Variants in XNDC1N observed in about 807,000 individuals in gnomAD.
The protein encoded by XNDC1N is protein XNDC1N.
At chr11:71,888,435 G>A in the XNDC1N span, among the ~76,000 whole-genome samples, 40 of 152,274 alleles carry the variant, frequency 2.6e-4, no homozygotes, top group African/African-American at 8.9e-4. Flanking sequence ...TTTGGAATGC[G>A]GATGCCAACA....
the XNDC1N span, among the ~76,000 whole-genome samples, chr11:71,899,149 AG>A: frequency 1.4e-4 from 22 of 152,184 alleles, no homozygotes; most frequent in African/African-American, 4.8e-4. Flanking sequence ...CTGTGCCTTG[AG>A]CCCCCCAGGC....
chr11:71,894,896 C>T, the XNDC1N span, among the ~76,000 whole-genome samples: 1 of 152,206 alleles, frequency 6.6e-6, no homozygotes, highest in African/African-American at 2.4e-5. Flanking sequence ...TAAGTGAGGA[C>T]ATACTGTACA....
the XNDC1N span, among the ~76,000 whole-genome samples, chr11:71,910,030 G>A: frequency 6.6e-6 from 1 of 152,178 alleles, no homozygotes; most frequent in Admixed American, 6.5e-5. Context: ...ATTGGCCAGT[G>A]AAGACGGGCC....
the XNDC1N span, among the ~76,000 whole-genome samples, chr11:71,922,147 G>A: frequency 3.3e-5 from 5 of 152,168 alleles, no homozygotes; most frequent in Non-Finnish European, 7.4e-5. Flanking sequence ...GCAACAAAGC[G>A]AGACTCCGTC....
At chr11:71,913,535 T>C in the XNDC1N span, among the ~76,000 whole-genome samples, 1 of 152,028 alleles carries the variant, frequency 6.6e-6, no homozygotes, top group East Asian at 1.9e-4. Flanking sequence ...GGTGTGCGCC[T>C]ATAGTTCCAG....
the XNDC1N span, among the ~76,000 whole-genome samples, chr11:71,892,783 A>G: frequency 3.9e-5 from 6 of 152,232 alleles, no homozygotes; most frequent in South Asian, 1.2e-3. Flanking sequence ...GGCCGCCCAA[A>G]GTGCTGGGAT....
chr11:71,882,115 A>T, the XNDC1N span, among the ~76,000 whole-genome samples: 1 of 152,144 alleles, frequency 6.6e-6, no homozygotes, highest in African/African-American at 2.4e-5. Context: ...CAGGAGGGGA[A>T]AAAATCTTTA....
chr11:71,874,010 G>C, the XNDC1N span, among the ~76,000 whole-genome samples: 3 of 152,126 alleles, frequency 2.0e-5, no homozygotes, highest in African/African-American at 7.2e-5. Context: ...AGTGAACAAA[G>C]GTTGGATTTA....
chr11:71,890,601 G>A, the XNDC1N span, among the ~76,000 whole-genome samples: 1 of 151,990 alleles, frequency 6.6e-6, no homozygotes, highest in Non-Finnish European at 1.5e-5. Flanking sequence ...ATTTCAGGTG[G>A]GGTATACACC....
the XNDC1N span, among the ~76,000 whole-genome samples, chr11:71,908,550 G>T: frequency 6.6e-6 from 1 of 152,138 alleles, no homozygotes; most frequent in South Asian, 2.1e-4. Context: ...CCCTGAGAGA[G>T]CAGCGATATA....
chr11:71,906,667 C>T, the XNDC1N span, among the ~76,000 whole-genome samples: 7 of 151,976 alleles, frequency 4.6e-5, no homozygotes, highest in Non-Finnish European at 8.8e-5. Context: ...TAGAATATGA[C>T]GAAGACTATT....
the XNDC1N span, among the ~76,000 whole-genome samples, chr11:71,907,943 C>T: frequency 6.6e-6 from 1 of 152,112 alleles, no homozygotes; most frequent in African/African-American, 2.4e-5. Flanking sequence ...AGCAAAATCA[C>T]GGGTGGATGC....
At chr11:71,896,403 A>G in the XNDC1N span, among the ~76,000 whole-genome samples, 2 of 152,260 alleles carry the variant, frequency 1.3e-5, no homozygotes, top group African/African-American at 4.8e-5. Context: ...AAATACAGAA[A>G]GATGGAATAA....
chr11:71,879,808 T>A, the XNDC1N span, among the ~76,000 whole-genome samples: 2 of 152,182 alleles, frequency 1.3e-5, no homozygotes, highest in Non-Finnish European at 1.5e-5. Context: ...TATATTCCTA[T>A]TCTGGACATT....
At chr11:71,909,918 A>T in the XNDC1N span, among the ~76,000 whole-genome samples, 24 of 152,122 alleles carry the variant, frequency 1.6e-4, no homozygotes, top group African/African-American at 4.3e-4. Flanking sequence ...TGGTTCTCCG[A>T]GAGGAGGAAT....
chr11:71,866,827 G>C, the XNDC1N span, among the ~76,000 whole-genome samples: 2 of 150,962 alleles, frequency 1.3e-5, no homozygotes, highest in Admixed American at 1.3e-4. Context: ...TCAGACCTTT[G>C]CCAGTTGTAC....
At chr11:71,924,428 C>T in the XNDC1N span, among the ~76,000 whole-genome samples, 1 of 152,066 alleles carries the variant, frequency 6.6e-6, no homozygotes, top group African/African-American at 2.4e-5. Flanking sequence ...CCTGTAATCC[C>T]AGCACTTTGG....
At chr11:71,916,472 T>C in the XNDC1N span, 2 of 537,324 alleles carry the variant, frequency 3.7e-6, no homozygotes, top group Non-Finnish European at 6.7e-6. Context: ...TCTTGCCTTC[T>C]CATCACTCCT....
the XNDC1N span, among the ~76,000 whole-genome samples, chr11:71,919,298 A>G: frequency 6.6e-6 from 1 of 152,168 alleles, no homozygotes; most frequent in African/African-American, 2.4e-5. Flanking sequence ...TAACAGATCA[A>G]TACTGAAGCT....
Sources: gnomAD v4.1 joint callset for allele counts (sites outside exome capture counted in the v4.1 genomes callset) on GRCh38, gnomAD v4.1.1 for gene constraint, MANE v1.5 for transcripts, NCBI Gene and HGNC (gene_info 2026-07-23, HGNC 2026-07-21) for gene names.